Variants in PCDHGA2 observed in about 807,000 individuals in gnomAD.
PCDHGA2 encodes protocadherin gamma-A2.
Under a neutral mutation model 59.2 loss-of-function variants are expected in PCDHGA2, and 40 were observed. That is an observed-to-expected ratio of 0.68 (90% confidence interval 0.52 to 0.88). The LOEUF (loss-of-function observed/expected upper bound fraction) is 0.88. Among genes scored for constraint, PCDHGA2 ranks in the 40% least tolerant of loss-of-function variants. PCDHGA2 has a pLI of 0.00. For synonymous variants in PCDHGA2, 560 were observed against 526.0 expected, an observed-to-expected ratio of 1.06 and a Z score of -0.89; for missense variants, 1,226 against 1,204.0, an observed-to-expected ratio of 1.02 and a Z score of -0.27.
chr5:141,399,009 C>A (rs759328384), intron 1 of PCDHGA2: 1 of 1,613,812 alleles, frequency 6.2e-7, no homozygotes, highest in African/African-American at 1.3e-5. Context: ...ATTCAAAGAG[C>A]GGAGAAATTA....
At chr5:141,509,758 C>T (rs574741134) in intron 3 of PCDHGA2, among the ~76,000 whole-genome samples, 17 of 152,202 alleles carry the variant, frequency 1.1e-4, no homozygotes. Flanking sequence ...CTAAAGTGTC[C>T]CTGAGATGTC....
At chr5:141,371,046 G>A (rs748244003) in intron 1 of PCDHGA2, 1 of 1,613,962 alleles carries the variant, frequency 6.2e-7, no homozygotes, top group South Asian at 1.1e-5. Context: ...TGTGGATGGG[G>A]GCGAGCCCTC....
chr5:141,465,782 T>G (rs2099109563), intron 1 of PCDHGA2, among the ~76,000 whole-genome samples: 1 of 152,076 alleles, frequency 6.6e-6, no homozygotes, highest in African/African-American at 2.4e-5. Flanking sequence ...TGTTACAGTT[T>G]TTTTTTTTTT....
intron 1 of PCDHGA2, chr5:141,423,595 G>A: frequency 6.2e-7 from 1 of 1,613,216 alleles, no homozygotes; most frequent in Non-Finnish European, 8.5e-7. Flanking sequence ...TGAGAAAAGC[G>A]AGCCACTCTT....
intron 1 of PCDHGA2, among the ~76,000 whole-genome samples, chr5:141,382,409 G>A (rs1360537214): frequency 6.6e-6 from 1 of 152,188 alleles, no homozygotes; most frequent in Non-Finnish European, 1.5e-5. Context: ...GCAATAACGT[G>A]TGAGTCAGTG....
chr5:141,393,348 T>C (rs754496387), intron 1 of PCDHGA2: 16 of 1,613,730 alleles, frequency 9.9e-6, no homozygotes, highest in Non-Finnish European at 1.4e-5. Context: ...TCACCACTTC[T>C]CCCTGGACGT....
In PCDHGA2 at chr5:141,340,689, C is replaced by G; in HGVS notation, c.1718C>G (p.Thr573Ser). The G allele has an allele frequency of 6.2e-7, 1 of 1,614,236 alleles. No homozygotes were observed. Among genetic ancestry groups the G allele is most frequent in the Non-Finnish European group, 8.5e-7 (1 of 1,180,054 alleles). ...CCTGCCTTCCCCACAGACGGTTCCA[C>G]TGGCGTGGAGCTGGCGCCCCGCTCC... is the stretch of plus-strand genomic sequence containing the variant. ...LYPAFPTDGSTGVELAPRSAE... is the reference protein window; with the variant it reads ...LYPAFPTDGSSGVELAPRSAE... Residue 573 changes from threonine to serine, a missense_variant, in exon 1 of 4, where the codon ACT becomes AGT. Physicochemically the swap from Thr to Ser is moderately conservative, Grantham distance 58. Transcript: ENST00000394576.
chr5:141,423,484 A>G, intron 1 of PCDHGA2: 1 of 1,613,722 alleles, frequency 6.2e-7, no homozygotes, highest in Non-Finnish European at 8.5e-7. Flanking sequence ...TTTCCTGCAA[A>G]CCTATTCCCA....
intron 1 of PCDHGA2, among the ~76,000 whole-genome samples, chr5:141,407,444 C>G (rs578101282): frequency 6.7e-6 from 1 of 150,116 alleles, no homozygotes; most frequent in South Asian, 2.1e-4. Flanking sequence ...AAAACCAGAA[C>G]ACGAGGCTCA....
At chr5:141,404,384 G>C in intron 1 of PCDHGA2, 9 of 1,613,904 alleles carry the variant, frequency 5.6e-6, no homozygotes, top group African/African-American at 1.3e-5. Context: ...GATTGCCTAT[G>C]ACCCTGATAG....
In PCDHGA2 at chr5:141,485,368, G is replaced by T. The variant is rs2154580406; in HGVS notation, c.2425-9439G>T. On this transcript the variant is annotated intron_variant, in intron 1 of 3. Coordinates refer to ENST00000394576, the MANE Select transcript of PCDHGA2 (RefSeq NM_018915.4). This position sits in a 1 kb window ranked among gnomAD's most constrained non-coding sequence, Gnocchi z 5.7. Reference sequence around the variant, plus strand: ...ACAGTCTGTCAGCTCGCAGGCTGCAGGTCGCTGGAGAGGTGAACCAAAGAC... The same window carrying T: ...ACAGTCTGTCAGCTCGCAGGCTGCATGTCGCTGGAGAGGTGAACCAAAGAC... The T allele has an allele frequency of 6.2e-7, 1 of 1,614,144 alleles. No individual in the cohort carries two copies. The highest frequency in any genetic ancestry group is 2.2e-5 in the East Asian group (1 of 44,866).
chr5:141,387,571 T>C (rs1183327637), intron 1 of PCDHGA2: 2 of 474,240 alleles, frequency 4.2e-6, no homozygotes, highest in African/African-American at 2.0e-5. Flanking sequence ...ACAATTATAA[T>C]TATTGCACTG....
At chr5:141,405,505 C>A in intron 1 of PCDHGA2, 2 of 751,126 alleles carry the variant, frequency 2.7e-6, no homozygotes, top group Non-Finnish European at 4.2e-6. Context: ...TTGCAACCTC[C>A]GCCTCCCAAA....
chr5:141,342,265 A>G (rs186950930), intron 1 of PCDHGA2: 27 of 152,326 alleles, frequency 1.8e-4, no homozygotes, highest in African/African-American at 6.5e-4. Flanking sequence ...TCTCTTCTCA[A>G]GGTTTCTACT....
At position 141,384,421 on chromosome 5, in the gene PCDHGA2, A is replaced by T. The variant is rs764678416; in HGVS notation, c.2424+43026A>T. The T allele has an allele frequency of 1.9e-6, 3 of 1,613,914 alleles. No homozygotes were observed. In the South Asian group the frequency reaches 3.3e-5, roughly 18 times the overall value. ...TCCAGTGTCCTCCTATGTCTCCATA[A>T]ACTCTGACACTGGAGTCCTGTACGC... On this transcript the variant is annotated intron_variant, in intron 1 of 3. Transcript: ENST00000394576.
At chr5:141,362,456 T>A (rs373414184) in intron 1 of PCDHGA2, 3 of 1,614,050 alleles carry the variant, frequency 1.9e-6, no homozygotes, top group Non-Finnish European at 2.5e-6. Context: ...ACCCCGGAAT[T>A]GGTTCCCGCG....
chr5:141,468,330 C>CAAAAAAAAAAA (rs533390277), intron 1 of PCDHGA2: 4 of 79,798 alleles, frequency 5.0e-5, no homozygotes, highest in Non-Finnish European at 1.1e-4. Flanking sequence ...AACTCCATCT[C>CAAAAAAAAAAA]AAAAAAAAAA....
Position 141,389,941 on chromosome 5 carries a change from T to C in PCDHGA2, c.2424+48546T>C, listed in dbSNP as rs772172943. 2.5e-6 allele frequency: 4 copies of C among 1,613,952 alleles called. No homozygotes were observed. In the African/African-American group the frequency reaches 5.3e-5, roughly 22 times the overall value. On this transcript the variant is annotated intron_variant, in intron 1 of 3. Coordinates refer to ENST00000394576, the MANE Select transcript of PCDHGA2 (RefSeq NM_018915.4). ...GACCCCTCTGACCTCCAGGCTGAGC[T>C]GCAGTTTTACCTAGTGGTGGCCTTG...
rs1218837884 is a variant in PCDHGA2 at position 141,403,668 on chromosome 5, C to A, written c.2424+62273C>A. On this transcript the variant is annotated intron_variant, in intron 1 of 3. Coordinates refer to ENST00000394576, the MANE Select transcript of PCDHGA2 (RefSeq NM_018915.4). ...ACAGTGTTGGATACAAATGATAATG[C>A]CCCGGTTTTTGCTCAACGGATTTAC... 1.9e-6 allele frequency: 3 copies of A among 1,613,772 alleles called. No individual in the cohort carries two copies. In the African/African-American group the frequency reaches 4.0e-5, roughly 22 times the overall value.
Sources: gnomAD v4.1 joint callset for allele counts (sites outside exome capture counted in the v4.1 genomes callset) on GRCh38, gnomAD v4.1.1 for gene constraint, Gnocchi (gnomAD v3.1) non-coding constraint, MANE v1.5 for transcripts, NCBI Gene and HGNC (gene_info 2026-07-23, HGNC 2026-07-21) for gene names.